Variants in GBP4 observed in about 807,000 individuals in gnomAD.
GBP4 encodes guanylate binding protein 4, also known as guanylate-binding protein 4.
A neutral mutation model predicts 62.2 loss-of-function variants in GBP4; 69 were observed. That is an observed-to-expected ratio of 1.11 (90% CI 0.91 to 1.36). GBP4 has a LOEUF of 1.36. GBP4 is among the 40% of genes most tolerant of loss of function. The pLI is 0.00. For missense variants in GBP4, 697 were observed against 759.3 expected (o/e 0.92, Z 0.96); for synonymous variants, 278 against 274.6 (o/e 1.01, Z -0.12).
At chr1:89,191,002 C>T (rs1381274886) in intron 6 of GBP4, among the ~76,000 whole-genome samples, 1 of 152,108 alleles carries the variant, frequency 6.6e-6, no homozygotes, top group Non-Finnish European at 1.5e-5. Context: ...GACTTTTCCT[C>T]ATCATGCAGA....
chr1:89,194,159 C>G (rs1041061869), intron 3 of GBP4, among the ~76,000 whole-genome samples: 2 of 152,150 alleles, frequency 1.3e-5, no homozygotes, highest in African/African-American at 4.8e-5. Flanking sequence ...ATTGTCACAG[C>G]ATGGTCATAA....
chr1:89,188,865 G>T, intron 7 of GBP4, 71 bp from the exon 8 acceptor site: 1 of 1,512,108 alleles, frequency 6.6e-7, no homozygotes, highest in East Asian at 2.3e-5. Flanking sequence ...TGATCCTCTT[G>T]GAAGAAGTAG....
At chr1:89,191,222 A>G in intron 6 of GBP4, 39 bp downstream of exon 6, 1 of 1,603,558 alleles carries the variant, frequency 6.2e-7, no homozygotes, top group Non-Finnish European at 8.5e-7. Context: ...CACATCCTGG[A>G]CCACAGACAG....
rs1385141645 is a variant in GBP4, at chr1:89,193,362, G to A, written c.414C>T (p.Ser138=). Residue 138 remains serine (S), a synonymous_variant, in exon 4 of 11, where the codon AGC becomes AGT. Coordinates refer to ENST00000355754, the MANE Select transcript of GBP4 (RefSeq NM_052941.5). ...SWIFALAVLL[S]SSFVYNSVST... ...TCACGCTGTTATAGACAAAGCTGCT[G>A]CTTAGAAGCACAGCCAGGGCAAAGA... 2 of 1,614,160 alleles carry A rather than the reference G, an allele frequency of 1.2e-6. No homozygotes were observed. Among genetic ancestry groups the A allele is most frequent in the Non-Finnish European group, 1.7e-6 (2 of 1,180,008 alleles).
intron 10 of GBP4, among the ~76,000 whole-genome samples, chr1:89,185,986 A>G (rs541848158): frequency 4.6e-4 from 70 of 152,306 alleles, no homozygotes; most frequent in Non-Finnish European, 8.7e-4. Flanking sequence ...ATCCAGATGG[A>G]TCTATTTCAG....
At chr1:89,186,611 G>T in intron 9 of GBP4, 85 bp from the exon 10 acceptor site, 1 of 1,215,944 alleles carries the variant, frequency 8.2e-7, no homozygotes, top group Non-Finnish European at 1.1e-6. Flanking sequence ...AACTGACTCG[G>T]AGAAAAGCAC....
In GBP4 at chr1:89,184,064, G is replaced by A. The variant is rs1435384363; in HGVS notation, c.*1190C>T. Reference sequence around the variant, plus strand: ...TAAAAAGAAAGTGGGCAAAGAACATGAACACATTTCAAAAGAAGACATATA... The same window carrying A: ...TAAAAAGAAAGTGGGCAAAGAACATAAACACATTTCAAAAGAAGACATATA... On this transcript the variant is annotated 3_prime_UTR_variant, in exon 11 of 11. Coordinates refer to ENST00000355754, the MANE Select transcript of GBP4 (RefSeq NM_052941.5). 2 of 152,096 alleles carry A rather than the reference G, an allele frequency of 1.3e-5. No homozygotes were observed. Among genetic ancestry groups the A allele is most frequent in the African/African-American group, 2.4e-5 (1 of 41,418 alleles). The allele number at this position is 152,096 out of a possible 1,614,324, so 9.4% of individuals were successfully genotyped here.
At position 89,182,619 on chromosome 1, in the gene GBP4, C is replaced by G. The variant is rs1159631968; in HGVS notation, c.*2635G>C. 6.6e-6 allele frequency: 1 copy of G among 151,932 alleles called. No individual in the cohort carries two copies. Among genetic ancestry groups the G allele is most frequent in the Non-Finnish European group, 1.5e-5 (1 of 67,996 alleles). 9.4% of individuals were successfully genotyped at this position (151,932 alleles called of 1,614,324 possible). On this transcript the variant is annotated 3_prime_UTR_variant, in exon 11 of 11. Transcript: ENST00000355754. ...GCCTCAGCCTCCCGTGTAGCTGGGA[C>G]TACAGGCGCGTGCCACCATGCCCGG...
At chr1:89,189,531 A>G (rs755798322) in intron 7 of GBP4, among the ~76,000 whole-genome samples, 4 of 152,240 alleles carry the variant, frequency 2.6e-5, no homozygotes, top group Non-Finnish European at 5.9e-5. Context: ...GCACAAGTTG[A>G]CTTTGAGAAA....
chr1:89,197,589 C>G (rs1648380135), intron 1 of GBP4, among the ~76,000 whole-genome samples: 1 of 151,966 alleles, frequency 6.6e-6, no homozygotes, highest in African/African-American at 2.4e-5. Context: ...CTAAAAATGC[C>G]TTGTCAAGGT....
chr1:89,189,885 A>G (rs1031929151), intron 7 of GBP4, among the ~76,000 whole-genome samples, 153 bp downstream of exon 7: 1 of 152,216 alleles, frequency 6.6e-6, no homozygotes, highest in African/African-American at 2.4e-5. Flanking sequence ...ATCCTCTAGA[A>G]GAAGGGTGAC....
intron 8 of GBP4, 43 bp downstream of exon 8, chr1:89,188,539 T>G (rs778876859): frequency 6.6e-6 from 10 of 1,510,754 alleles, no homozygotes; most frequent in Middle Eastern, 1.7e-4. Flanking sequence ...AAAAACCCTC[T>G]GACTATCCTC....
Position 89,192,991 on chromosome 1 carries a change from C to G in GBP4, c.583G>C (p.Val195Leu), listed in dbSNP as rs150777601. 5.6e-6 allele frequency: 9 copies of G among 1,614,066 alleles called. No individual in the cohort carries two copies. In the African/African-American group the frequency reaches 1.1e-4, roughly 19 times the overall value. Residue 195 changes from valine to leucine, a missense_variant, in exon 5 of 11, where the codon GTT (valine) becomes CTT (leucine). Coordinates refer to ENST00000355754, the MANE Select transcript of GBP4 (RefSeq NM_052941.5). ...ASFFPDFIWT[V>L]RDFTLELKLD... ...TTTAGCTCCAGGGTAAAATCCCGAA[C>G]AGTCCAAATAAAGTCTGGAAAGAAA...
rs375141158 is a variant in GBP4, at chr1:89,181,967, T to C, written c.*3287A>G. 6.6e-6 allele frequency: 1 copy of C among 152,044 alleles called. No homozygotes were observed. Among genetic ancestry groups the C allele is most frequent in the South Asian group, 2.1e-4 (1 of 4,832 alleles). The allele number at this position is 152,044 out of a possible 1,614,324, so 9.4% of individuals were successfully genotyped here. A position where few individuals can be genotyped will look rare whatever the true frequency, so the allele number is the denominator to read the frequency against. On this transcript the variant is annotated 3_prime_UTR_variant, in exon 11 of 11. Transcript: ENST00000355754. Reference sequence around the variant, plus strand: ...CCAAGGAAGCAAAAGATATATATAATGAGAATTACAAGATACCCCTGAAAG... The same window carrying C: ...CCAAGGAAGCAAAAGATATATATAACGAGAATTACAAGATACCCCTGAAAG...
chr1:89,194,042 G>GA (rs1418573998), intron 3 of GBP4, among the ~76,000 whole-genome samples: 1 of 152,248 alleles, frequency 6.6e-6, no homozygotes. Flanking sequence ...ACAGGCATAT[G>GA]AAGGCAGCAG....
chr1:89,182,985 A>G lies in GBP4; in HGVS notation c.*2269T>C, dbSNP rs1374496161. On this transcript the variant is annotated 3_prime_UTR_variant, in exon 11 of 11. Coordinates refer to ENST00000355754, the MANE Select transcript of GBP4 (RefSeq NM_052941.5). The stretch of plus-strand genomic sequence containing the variant: ...GCAGAAATAAATTCCTAAAATGTTG[A>G]GTTGAGCAAATAGTTCAATGCTATC... 5 of 152,226 alleles carry G rather than the reference A, an allele frequency of 3.3e-5. No individual in the cohort carries two copies. The highest frequency in any genetic ancestry group is 7.3e-5 in the Non-Finnish European group (5 of 68,042). 9.4% of individuals were successfully genotyped at this position (152,226 alleles called of 1,614,324 possible). A position where few individuals can be genotyped will look rare whatever the true frequency, so the allele number is the denominator to read the frequency against.
chr1:89,194,916 T>C (rs1384361219), intron 3 of GBP4, among the ~76,000 whole-genome samples: 1 of 152,232 alleles, frequency 6.6e-6, no homozygotes, highest in African/African-American at 2.4e-5. Flanking sequence ...CTAAGTCGAA[T>C]GACTGAACTA....
chr1:89,195,174 GA>G, intron 3 of GBP4, 122 bp downstream of exon 3: 1 of 1,025,960 alleles, frequency 9.7e-7, no homozygotes, highest in South Asian at 1.6e-5. Flanking sequence ...TGAGGAAACA[GA>G]ATTTAGCCTC....
intron 3 of GBP4, among the ~76,000 whole-genome samples, chr1:89,194,304 C>G (rs1276942144): frequency 6.6e-6 from 1 of 152,224 alleles, no homozygotes; most frequent in Admixed American, 6.5e-5. Flanking sequence ...GTCCCCAAAT[C>G]ACATTACAAG....
Sources: allele counts gnomAD v4.1 joint callset (sites outside exome capture counted in the v4.1 genomes callset), GRCh38; gene constraint gnomAD v4.1.1; transcripts MANE v1.5; gene names NCBI Gene and HGNC (gene_info 2026-07-23, HGNC 2026-07-21).